The following ABCC9 variants were observed in gnomAD, a reference collection of about 807,000 sequenced individuals.
ABCC9 encodes the protein ATP-binding cassette sub-family C member 9.
Under a neutral mutation model 188.3 loss-of-function variants are expected in ABCC9, and 95 were observed. The ratio of observed to expected loss-of-function variants is 0.50; its 90% CI spans 0.43 to 0.60. The LOEUF (loss-of-function observed/expected upper bound fraction) is 0.60. ABCC9 is among the 20% of genes least tolerant of loss of function. ABCC9 has a pLI of 0.00. For missense variants in ABCC9, 1,102 were observed against 1,876.3 expected (o/e 0.59, Z 7.62); for synonymous variants, 659 against 652.7 (o/e 1.01, Z -0.15).
chr12:21,925,192 T>G, intron 5 of ABCC9: 1 of 250,386 alleles, frequency 4.0e-6, no homozygotes, highest in East Asian at 7.4e-5. Context: ...CTTTATCTCT[T>G]TAAGAAAGAA....
At chr12:21,855,346 A>G (rs542784910) in intron 22 of ABCC9, among the ~76,000 whole-genome samples, 2 of 152,054 alleles carry the variant, frequency 1.3e-5, no homozygotes, top group African/African-American at 2.4e-5. Context: ...CAGCCTCCCA[A>G]CTTACTGGGA....
chr12:21,839,058 G>A (rs1010788224), intron 29 of ABCC9, among the ~76,000 whole-genome samples: 3 of 152,120 alleles, frequency 2.0e-5, no homozygotes, highest in Non-Finnish European at 4.4e-5. Flanking sequence ...AATCAGAGCT[G>A]TCGTTTAATC....
intron 8 of ABCC9, among the ~76,000 whole-genome samples, chr12:21,912,158 T>G (rs1238969713): frequency 6.6e-6 from 1 of 151,708 alleles, no homozygotes. Flanking sequence ...TTTTTATACG[T>G]GATGGAAAGA....
Position 21,906,190 on chromosome 12 carries a change from C to T in ABCC9, c.1554G>A (p.Val518=), listed in dbSNP as rs773290634. The T allele has an allele frequency of 6.2e-7, 1 of 1,613,192 alleles. No homozygotes were observed. The highest frequency in any genetic ancestry group is 2.2e-5 in the East Asian group (1 of 44,848). Residue 518 remains valine, a synonymous_variant, in exon 12 of 40, where the codon GTG becomes GTA. Coordinates refer to ENST00000261200, the MANE Select transcript of ABCC9 (RefSeq NM_020297.4). ...ATAGTTCTTTCATTCTTGTTTCCTC[C>T]ACACTTTTGCAGAAAATGTGTTCCC... ...YAWEHIFCKS[V]EETRMKELSS... is the part of the protein sequence containing the mutation.
At chr12:21,907,698 A>G (rs1454255743) in intron 11 of ABCC9, among the ~76,000 whole-genome samples, 1 of 152,042 alleles carries the variant, frequency 6.6e-6, no homozygotes, top group African/African-American at 2.4e-5. Context: ...TTTCAGAAGC[A>G]GCAAACTTGA....
Position 21,852,301 on chromosome 12 carries a change from T to C in ABCC9, c.2643+67A>G, listed in dbSNP as rs1220048188. 3 of 1,612,716 alleles carry C rather than the reference T, an allele frequency of 1.9e-6. No individual in the cohort carries two copies. In the South Asian group the frequency reaches 3.3e-5, roughly 18 times the overall value. ...TGAACTACCTTTATTTCAGAAAGCATTTTTTACTGTCTCTATTTATATGAC... is the reference window on the plus strand; with the variant it reads ...TGAACTACCTTTATTTCAGAAAGCACTTTTTACTGTCTCTATTTATATGAC... On this transcript the variant is annotated intron_variant, in intron 23 of 39. Transcript: ENST00000261200.
chr12:21,875,536 G>A, intron 17 of ABCC9, 118 bp downstream of exon 17: 1 of 753,320 alleles, frequency 1.3e-6, no homozygotes, highest in South Asian at 1.7e-5. Context: ...GTGCAAATAG[G>A]TAATCATAAA....
Position 21,800,887 on chromosome 12 carries a change from A to T in ABCC9, c.*157T>A, listed in dbSNP as rs1483914224. The T allele has an allele frequency of 2.4e-6, 2 of 835,230 alleles. No homozygotes were observed. The highest frequency in any genetic ancestry group is 3.4e-5 in the South Asian group (2 of 58,450). 51.7% of individuals were successfully genotyped at this position (835,230 alleles called of 1,614,324 possible). A position where few individuals can be genotyped will look rare whatever the true frequency, so the allele number is the denominator to read the frequency against. On this transcript the variant is annotated 3_prime_UTR_variant, in exon 40 of 40. Coordinates refer to ENST00000261200, the MANE Select transcript of ABCC9 (RefSeq NM_020297.4). ...GAACATATTAAGCAATAATATCTTG[A>T]AAAACTGTTTTAAAAACAGGAAAAA...
In ABCC9 at chr12:21,848,183, C is replaced by T; in HGVS notation, c.2833G>A (p.Glu945Lys). ...KTLRRAMYSR[E>K]AKAQMEDEDE... ...TCGTCCTCCATCTGGGCTTTGGCTT[C>T]TCTTGAATACATGGCCCGTCGGAGA... The change falls in exon 25 of 40, where the codon GAA (glutamate) becomes AAA (lysine). Residue 945 changes from glutamate to lysine, a missense_variant. Physicochemically the swap from Glu to Lys is moderately conservative, Grantham distance 56 (BLOSUM62 1). Around this residue, in one of 12 missense-constraint regions of ABCC9, gnomAD observed 131 missense variants for 170.2 expected, o/e 0.77. Coordinates refer to ENST00000261200, the MANE Select transcript of ABCC9 (RefSeq NM_020297.4). The T allele has an allele frequency of 6.2e-7, 1 of 1,613,658 alleles. No individual in the cohort carries two copies. The highest frequency in any genetic ancestry group is 8.5e-7 in the Non-Finnish European group (1 of 1,179,652).
At chr12:21,870,383 A>G (rs991547828) in intron 18 of ABCC9, among the ~76,000 whole-genome samples, 4 of 152,056 alleles carry the variant, frequency 2.6e-5, no homozygotes, top group African/African-American at 9.7e-5. Context: ...CAGTCTCTCA[A>G]GTAACTAGGA....
chr12:21,935,449 G>A lies in ABCC9; in HGVS notation c.142+1084C>T, dbSNP rs532123748. Reference sequence around the variant, plus strand: ...TTAATCCCCCTTAGAATAATGCCAAGCACATAGTATCCTCTCAATTGATAT... The same window carrying A: ...TTAATCCCCCTTAGAATAATGCCAAACACATAGTATCCTCTCAATTGATAT... On this transcript the variant is annotated intron_variant, in intron 3 of 39. Coordinates refer to ENST00000261200, the MANE Select transcript of ABCC9 (RefSeq NM_020297.4). Among the ~76,000 whole-genome samples the A allele has an allele frequency of 1.1e-3, 170 of 152,154 alleles. 2 individuals carry two copies. The highest frequency in any genetic ancestry group is 3.9e-3 in the African/African-American group (162 of 41,526).
At chr12:21,888,191 T>A (rs1946976197) in intron 14 of ABCC9, among the ~76,000 whole-genome samples, 1 of 152,134 alleles carries the variant, frequency 6.6e-6, no homozygotes, top group South Asian at 2.1e-4. Context: ...CTTGTCACCC[T>A]AAATTCAACA....
intron 30 of ABCC9, 72 bp from the exon 31 acceptor site, chr12:21,829,132 A>C: frequency 1.0e-6 from 1 of 994,654 alleles, no homozygotes; most frequent in Non-Finnish European, 1.6e-6. Flanking sequence ...ACTTATTACT[A>C]CACTATTTAC....
chr12:21,829,489 C>T (rs1487966215), intron 30 of ABCC9, among the ~76,000 whole-genome samples: 4 of 152,136 alleles, frequency 2.6e-5, no homozygotes, highest in African/African-American at 7.2e-5. Context: ...GCGTGTGCCA[C>T]CGCACCCGGC....
intron 12 of ABCC9, among the ~76,000 whole-genome samples, chr12:21,900,056 C>A (rs187172860): frequency 6.6e-5 from 10 of 152,166 alleles, no homozygotes. Context: ...TGGGAGGCAC[C>A]CCCAGTAGGG....
At chr12:21,871,435 C>T (rs984569483) in intron 18 of ABCC9, among the ~76,000 whole-genome samples, 9 of 152,142 alleles carry the variant, frequency 5.9e-5, no homozygotes, top group Admixed American at 5.2e-4. Flanking sequence ...TCTTCTTTTG[C>T]CAATGACACT....
At chr12:21,814,398 C>T (rs1026323755) in intron 35 of ABCC9, among the ~76,000 whole-genome samples, 1 of 152,154 alleles carries the variant, frequency 6.6e-6, no homozygotes, top group Non-Finnish European at 1.5e-5. Flanking sequence ...TTTCATTTTA[C>T]AAGTTTATTA....
intron 5 of ABCC9, among the ~76,000 whole-genome samples, chr12:21,917,325 C>A (rs1023782361): frequency 6.6e-6 from 1 of 151,944 alleles, no homozygotes; most frequent in African/African-American, 2.4e-5. Context: ...CCATCCTGAC[C>A]GTACATGATA....
chr12:21,923,115 T>G (rs2137977600), intron 5 of ABCC9: 1 of 147,852 alleles, frequency 6.8e-6, no homozygotes, highest in South Asian at 2.1e-4. Flanking sequence ...GACACCTATC[T>G]TACACCATAT....
Sources: allele counts gnomAD v4.1 joint callset (sites outside exome capture counted in the v4.1 genomes callset), GRCh38; gene constraint gnomAD v4.1.1; regional missense constraint gnomAD v4.1.1; transcripts MANE v1.5; gene names NCBI Gene and HGNC (gene_info 2026-07-23, HGNC 2026-07-21).